Variants in IRGM observed in about 807,000 individuals in gnomAD.
The protein encoded by IRGM is immunity related GTPase M.
For missense variants in IRGM, 288 were observed against 219.9 expected (o/e 1.31, Z -1.96); for synonymous variants, 98 against 80.6 (o/e 1.22, Z -1.16).
Position 150,848,231 on chromosome 5 carries a change from C to T in IRGM, c.108C>T (p.Ile36=), listed in dbSNP as rs1219516132. Residue 36 remains isoleucine, a synonymous_variant, in exon 2 of 2, where the codon ATC becomes ATT. Coordinates refer to ENST00000522154, the MANE Select transcript of IRGM (RefSeq NM_001145805.2). Reference sequence around the variant, plus strand: ...TAGTGTCCAGGACACCAGTTAACATCACTATGGCAGGGGACTCTGGCAATG... The same window carrying T: ...TAGTGTCCAGGACACCAGTTAACATTACTATGGCAGGGGACTCTGGCAATG... ...LKIVSRTPVN[I]TMAGDSGNGM... 4 of 1,551,832 alleles carry T rather than the reference C, an allele frequency of 2.6e-6. No individual in the cohort carries two copies. Among genetic ancestry groups the T allele is most frequent in the Non-Finnish European group, 3.5e-6 (4 of 1,146,982 alleles).
chr5:150,858,122 C>A (rs1249241597), intron 1 of IRGM, among the ~76,000 whole-genome samples: 1 of 152,062 alleles, frequency 6.6e-6, no homozygotes, highest in Non-Finnish European at 1.5e-5. Context: ...AGGAAGGGAT[C>A]CAGTTTCAGC....
intron 1 of IRGM, among the ~76,000 whole-genome samples, chr5:150,856,926 T>TTCTA (rs1204513424): frequency 0.021 from 3,092 of 146,954 alleles, 81 homozygotes; most frequent in South Asian, 0.076. Context: ...TATTATTTAT[T>TTCTA]ATTTATTATT....
chr5:150,895,783 T>TTC (rs1371025742), intron 3 of IRGM: 1 of 1,613,596 alleles, frequency 6.2e-7, no homozygotes, highest in Non-Finnish European at 8.5e-7. Context: ...CCAGTATGTG[T>TTC]TCTCTGATGT....
intron 1 of IRGM, 168 bp from the exon 2 acceptor site, chr5:150,847,541 C>T (rs1000569416): frequency 1.3e-5 from 2 of 152,928 alleles, no homozygotes; most frequent in African/African-American, 2.4e-5. Flanking sequence ...GGGACCCTAC[C>T]TTTCTTGCTC....
chr5:150,870,247 C>A (rs141956790), intron 1 of IRGM, among the ~76,000 whole-genome samples: 1 of 152,086 alleles, frequency 6.6e-6, no homozygotes, highest in Non-Finnish European at 1.5e-5. Context: ...ACATCCCTAA[C>A]CTCGGCAAAA....
Position 150,848,000 on chromosome 5 carries a change from A to G in IRGM, c.-124A>G, listed in dbSNP as rs1365039484. ...TTTGTATTTTAGTAGAGAAGGTTTC[A>G]CGATGTTGGCCAGGATGGTCTCAAT... On this transcript the variant is annotated 5_prime_UTR_variant, in exon 2 of 2. Transcript: ENST00000522154. 2.3e-5 allele frequency: 17 copies of G among 724,464 alleles called. No individual in the cohort carries two copies. Among genetic ancestry groups the G allele is most frequent in the Non-Finnish European group, 2.7e-5 (12 of 443,882 alleles). The allele number at this position is 724,464 out of a possible 1,614,324, so 44.9% of individuals were successfully genotyped here.
At chr5:150,872,664 A>G (rs1754302595) in intron 1 of IRGM, among the ~76,000 whole-genome samples, 1 of 152,208 alleles carries the variant, frequency 6.6e-6, no homozygotes, top group Non-Finnish European at 1.5e-5. Flanking sequence ...CACAGGGATT[A>G]TGCATTTAAT....
intron 1 of IRGM, among the ~76,000 whole-genome samples, chr5:150,876,884 T>C (rs1343121228): frequency 2.6e-5 from 4 of 152,246 alleles, no homozygotes; most frequent in African/African-American, 7.2e-5. Context: ...ATTTCCTCCT[T>C]ATTTTGTTAA....
At chr5:150,857,585 C>T (rs1754076462) in intron 1 of IRGM, among the ~76,000 whole-genome samples, 1 of 150,556 alleles carries the variant, frequency 6.6e-6, no homozygotes, top group African/African-American at 2.5e-5. Flanking sequence ...TCCTCTCCAG[C>T]ACCTGTTGTT....
exon 3 of IRGM, chr5:150,879,646 T>C (rs576196363): frequency 2.0e-5 from 3 of 152,266 alleles, no homozygotes; most frequent in Admixed American, 6.5e-5. Context: ...CCCAGAAATA[T>C]GTAAGTATTT....
At chr5:150,889,858 C>A (rs1754581952) in intron 3 of IRGM, among the ~76,000 whole-genome samples, 1 of 151,954 alleles carries the variant, frequency 6.6e-6, no homozygotes, top group African/African-American at 2.4e-5. Context: ...GTTAATCTAA[C>A]CTTGCATTTC....
intron 1 of IRGM, among the ~76,000 whole-genome samples, chr5:150,867,640 C>A (rs998837512): frequency 1.4e-5 from 2 of 140,290 alleles, no homozygotes; most frequent in Non-Finnish European, 3.0e-5. Context: ...ATGCCAACAT[C>A]TATTTTTTTT....
intron 1 of IRGM, among the ~76,000 whole-genome samples, chr5:150,861,220 T>TCC (rs1754131126): frequency 6.6e-6 from 1 of 152,150 alleles, no homozygotes; most frequent in Non-Finnish European, 1.5e-5. Flanking sequence ...TAGGCTGGGA[T>TCC]TTTACATGGG....
intron 3 of IRGM, among the ~76,000 whole-genome samples, chr5:150,893,921 G>C (rs1306838108): frequency 6.6e-6 from 1 of 151,996 alleles, no homozygotes; most frequent in Non-Finnish European, 1.5e-5. Context: ...AATCACCTGG[G>C]ATGTGGGGGG....
At chr5:150,883,414 A>G (rs997777449) in intron 3 of IRGM, among the ~76,000 whole-genome samples, 1 of 152,004 alleles carries the variant, frequency 6.6e-6, no homozygotes, top group Non-Finnish European at 1.5e-5. Flanking sequence ...CAGAGCTGAA[A>G]TAAATAAAAT....
intron 1 of IRGM, among the ~76,000 whole-genome samples, chr5:150,854,158 T>C (rs1754015217): frequency 6.6e-6 from 1 of 152,112 alleles, no homozygotes; most frequent in Non-Finnish European, 1.5e-5. Flanking sequence ...TATTTTGAAT[T>C]AATACCAACT....
At position 150,878,507 on chromosome 5, in the gene IRGM, C is replaced by CT. The variant is rs556246646; in HGVS notation, c.*78+400dup. 6.8e-3 allele frequency among the ~76,000 whole-genome samples: 1,033 copies of CT among 152,048 alleles called. 5 individuals carry two copies. The highest frequency in any genetic ancestry group is 0.011 in the Admixed American group (169 of 15,254). On this transcript the variant is annotated intron_variant and NMD_transcript_variant, in intron 2 of 3. Transcript: ENST00000520549. ...TCCTCCTCTCTCCTCATCTTCCCAC[C>CT]TTTTTTTGCCATATTACTTTCCACT...
chr5:150,875,742 C>T (rs752122782), intron 1 of IRGM, among the ~76,000 whole-genome samples: 17 of 152,200 alleles, frequency 1.1e-4, no homozygotes, highest in African/African-American at 2.4e-4. Flanking sequence ...GACCTGGCTA[C>T]GGCCACTGCT....
At chr5:150,875,352 T>C (rs1754348346) in intron 1 of IRGM, among the ~76,000 whole-genome samples, 1 of 152,180 alleles carries the variant, frequency 6.6e-6, no homozygotes, top group Non-Finnish European at 1.5e-5. Context: ...GCTGTGCACT[T>C]TGCGTGGAAG....
Sources: gnomAD v4.1 joint callset for allele counts (sites outside exome capture counted in the v4.1 genomes callset) on GRCh38, gnomAD v4.1.1 for gene constraint, MANE v1.5 for transcripts, NCBI Gene and HGNC (gene_info 2026-07-23, HGNC 2026-07-21) for gene names.